SLC16A7: variants seen among roughly 807,000 people sequenced by gnomAD.
The protein encoded by SLC16A7 is monocarboxylate transporter 2.
SLC16A7 carries 33 observed loss-of-function variants against 34.9 expected under a neutral mutation model. The observed-to-expected ratio is 0.94, with a 90% CI of 0.72 to 1.26. SLC16A7 has a LOEUF of 1.26. Among genes scored for constraint, SLC16A7 ranks in the 50% most tolerant of loss-of-function variants. The probability of loss-of-function intolerance (pLI) is 0.00; values close to 1 mark genes in which losing one functional copy is unlikely to be tolerated. For synonymous variants in SLC16A7, 201 were observed against 206.6 expected, an observed-to-expected ratio of 0.97 and a Z score of 0.23; for missense variants, 573 against 578.1, an observed-to-expected ratio of 0.99 and a Z score of 0.09.
At chr12:59,623,366 T>A (rs1196690232) in intron 1 of SLC16A7, among the ~76,000 whole-genome samples, 1 of 151,720 alleles carries the variant, frequency 6.6e-6, no homozygotes, top group Non-Finnish European at 1.5e-5. Flanking sequence ...AATCAATACA[T>A]CAATTTCAAA....
At chr12:59,651,210 T>C (rs1269719751) in intron 1 of SLC16A7, among the ~76,000 whole-genome samples, 2 of 152,200 alleles carry the variant, frequency 1.3e-5, no homozygotes, top group African/African-American at 2.4e-5. Flanking sequence ...ATCTTTGACT[T>C]CCTCAATTAG....
At chr12:59,758,841 C>A (rs1880695167) in intron 3 of SLC16A7, among the ~76,000 whole-genome samples, 1 of 151,984 alleles carries the variant, frequency 6.6e-6, no homozygotes, top group South Asian at 2.1e-4. Context: ...ATGACAAATT[C>A]ATTTTCATTT....
chr12:59,598,935 G>A (rs1878551611), intron 1 of SLC16A7, among the ~76,000 whole-genome samples: 1 of 152,292 alleles, frequency 6.6e-6, no homozygotes, highest in Non-Finnish European at 1.5e-5. Context: ...ATTTGAGGTG[G>A]ATCTGTCCAT....
intron 3 of SLC16A7, among the ~76,000 whole-genome samples, chr12:59,746,605 A>T (rs1227481974): frequency 6.6e-6 from 1 of 152,210 alleles, no homozygotes; most frequent in Admixed American, 6.5e-5. Context: ...CCTCAAGAAC[A>T]TCTTTAATAG....
At chr12:59,756,654 G>A (rs946873519) in intron 3 of SLC16A7, among the ~76,000 whole-genome samples, 1 of 143,924 alleles carries the variant, frequency 6.9e-6, no homozygotes, top group Non-Finnish European at 1.5e-5. Flanking sequence ...CTACACTGTT[G>A]GTGGGACTGT....
At chr12:59,696,796 A>G (rs1037797191) in intron 2 of SLC16A7, among the ~76,000 whole-genome samples, 1 of 151,978 alleles carries the variant, frequency 6.6e-6, no homozygotes, top group African/African-American at 2.4e-5. Flanking sequence ...TTAAGAGATC[A>G]TAAGATGTCA....
intron 1 of SLC16A7, among the ~76,000 whole-genome samples, chr12:59,620,991 A>G (rs1879674394): frequency 6.6e-6 from 1 of 151,898 alleles, no homozygotes; most frequent in African/African-American, 2.4e-5. Context: ...TTTTTGAGGC[A>G]GAATATATAA....
At chr12:59,663,322 AT>A (rs1868957443) in intron 2 of SLC16A7, among the ~76,000 whole-genome samples, 1 of 151,832 alleles carries the variant, frequency 6.6e-6, no homozygotes, top group Admixed American at 6.6e-5. Context: ...AAAGTTAATA[AT>A]TTCTTTACAT....
Position 59,779,626 on chromosome 12 carries a change from G to A in SLC16A7, c.1384G>A (p.Val462Ile), listed in dbSNP as rs1336676910. Reference protein sequence around the residue: ...SKSKHSEDVNVKVSNAQSVTS... With the variant: ...SKSKHSEDVNIKVSNAQSVTS... ...ATCTAAACATTCGGAAGATGTTAAC[G>A]TCAAAGTTTCAAATGCACAGAGTGT... The change falls in exon 6 of 6, where the codon GTC becomes ATC. Residue 462 changes from valine (V) to isoleucine (I), a missense_variant. Transcript: ENST00000547379. 1.2e-5 allele frequency: 20 copies of A among 1,611,140 alleles called. No homozygotes were observed. Among genetic ancestry groups the A allele is most frequent in the African/African-American group, 6.7e-5 (5 of 74,832 alleles).
At chr12:59,686,675 A>G (rs905287102) in intron 2 of SLC16A7, among the ~76,000 whole-genome samples, 1 of 152,126 alleles carries the variant, frequency 6.6e-6, no homozygotes, top group Non-Finnish European at 1.5e-5. Context: ...CTCTCGCTAT[A>G]TACTTCATTA....
Position 59,704,875 on chromosome 12 carries a change from C to A in SLC16A7, c.74C>A (p.Ala25Glu). 6.2e-7 allele frequency: 1 copy of A among 1,613,862 alleles called. No individual in the cohort carries two copies. The highest frequency in any genetic ancestry group is 8.5e-7 in the Non-Finnish European group (1 of 1,179,864). ...GGATGGGGTTGGATTGTGGTTGGAGCAGCTTTTATCTCCATTGGATTTTCC... is the reference window on the plus strand; with the variant it reads ...GGATGGGGTTGGATTGTGGTTGGAGAAGCTTTTATCTCCATTGGATTTTCC... ...DGGWGWIVVG[A>E]AFISIGFSYA... The change falls in exon 3 of 6, where the codon GCA becomes GAA. Residue 25 changes from alanine (A) to glutamate (E), a missense_variant. Coordinates refer to ENST00000547379, the MANE Select transcript of SLC16A7 (RefSeq NM_001270623.2).
In SLC16A7 at chr12:59,691,402, G is replaced by A. The variant is rs139916955; in HGVS notation, c.-30-13370G>A. 1.4e-3 allele frequency among the ~76,000 whole-genome samples: 210 copies of A among 152,124 alleles called. 1 individual carries two copies. Among genetic ancestry groups the A allele is most frequent in the Middle Eastern group, 6.8e-3 (2 of 294 alleles). Reference sequence around the variant, plus strand: ...AACATCAGCTATTGATTGGCTATATGTTGTTTTTGTTTGTTTGTTTTGTGT... The same window carrying A: ...AACATCAGCTATTGATTGGCTATATATTGTTTTTGTTTGTTTGTTTTGTGT... On this transcript the variant is annotated intron_variant, in intron 2 of 5. Transcript: ENST00000547379.
intron 2 of SLC16A7, among the ~76,000 whole-genome samples, chr12:59,690,910 A>C (rs1354272074): frequency 6.6e-6 from 1 of 151,972 alleles, no homozygotes; most frequent in Admixed American, 6.6e-5. Context: ...ATAGAAATTT[A>C]GCTACAAGGA....
In SLC16A7 at chr12:59,787,998, T is replaced by C. The variant is rs1322938078; in HGVS notation, c.*8319T>C. On this transcript the variant is annotated 3_prime_UTR_variant, in exon 6 of 6. Transcript: ENST00000547379. Reference sequence around the variant, plus strand: ...CAAGTGCTTGCTACAACTGACTAAATTTGAAGCTTTTTATGTAAAAGTTCT... The same window carrying C: ...CAAGTGCTTGCTACAACTGACTAAACTTGAAGCTTTTTATGTAAAAGTTCT... The C allele has an allele frequency of 6.6e-6, 1 of 152,228 alleles. No individual in the cohort carries two copies. The highest frequency in any genetic ancestry group is 1.5e-5 in the Non-Finnish European group (1 of 68,034). The allele number at this position is 152,228 out of a possible 1,614,324, so 9.4% of individuals were successfully genotyped here.
At chr12:59,777,838 T>A (rs34264510) in intron 5 of SLC16A7, among the ~76,000 whole-genome samples, 2 of 130,870 alleles carry the variant, frequency 1.5e-5, no homozygotes, top group East Asian at 4.8e-4. Flanking sequence ...GAGTGTGATG[T>A]TCCCCTTCCT....
intron 3 of SLC16A7, among the ~76,000 whole-genome samples, chr12:59,729,118 T>C (rs1392710650): frequency 6.6e-6 from 1 of 152,236 alleles, no homozygotes; most frequent in African/African-American, 2.4e-5. Context: ...CTCAACACAT[T>C]CTTATTAATC....
In SLC16A7 at chr12:59,720,928, T is replaced by G. The variant is rs955078552; in HGVS notation, c.217+15910T>G. 1.1e-4 allele frequency among the ~76,000 whole-genome samples: 16 copies of G among 152,142 alleles called. No homozygotes were observed. The East Asian group carries it at 2.9e-3, about 28-fold the overall frequency. ...AATTTAAGTTTCTTGCATACATTCT[T>G]AACTTATCTACCTACCATTAATTTT... On this transcript the variant is annotated intron_variant, in intron 3 of 5. Coordinates refer to ENST00000547379, the MANE Select transcript of SLC16A7 (RefSeq NM_001270623.2).
At position 59,704,919 on chromosome 12, in the gene SLC16A7, G is replaced by C. The variant is rs1873388842; in HGVS notation, c.118G>C (p.Val40Leu). The C allele has an allele frequency of 6.2e-7, 1 of 1,613,628 alleles. No individual in the cohort carries two copies. Reference protein sequence around the residue: ...IGFSYAFPKAVTVFFKEIQQI... With the variant: ...IGFSYAFPKALTVFFKEIQQI... ...ATTTTCCTATGCATTCCCCAAAGCT[G>C]TCACCGTATTCTTCAAAGAAATTCA... Residue 40 changes from valine to leucine, a missense_variant, in exon 3 of 6, where the codon GTC (valine) becomes CTC (leucine). Physicochemically the swap from Val to Leu is conservative, Grantham distance 32. Transcript: ENST00000547379.
In SLC16A7 at chr12:59,697,714, T is replaced by TA. The variant is rs879401774; in HGVS notation, c.-30-7045dup. 9.6e-3 allele frequency among the ~76,000 whole-genome samples: 1,377 copies of TA among 143,314 alleles called. 20 individuals are homozygous for TA. The highest frequency in any genetic ancestry group is 0.027 in the African/African-American group (1,081 of 39,466). The allele number at this position is 143,314 out of a possible 152,430, so 94.0% of individuals were successfully genotyped here. A position where few individuals can be genotyped will look rare whatever the true frequency, so the allele number is the denominator to read the frequency against. ...GCTGCCCCTGTCTAGAAAAGACTGT[T>TA]AAAAAAAAAAAAAGTCTGCCTCAAA... On this transcript the variant is annotated intron_variant, in intron 2 of 5. Transcript: ENST00000547379.
Sources: allele counts gnomAD v4.1 joint callset (sites outside exome capture counted in the v4.1 genomes callset), GRCh38; gene constraint gnomAD v4.1.1; transcripts MANE v1.5; gene names NCBI Gene and HGNC (gene_info 2026-07-23, HGNC 2026-07-21).